Variants in AGO1 observed in about 807,000 individuals in gnomAD.
The protein encoded by AGO1 is argonaute RISC component 1, also known as protein argonaute-1.
Under a neutral mutation model 109.2 loss-of-function variants are expected in AGO1, and 11 were observed. That is an observed-to-expected ratio of 0.10 (90% CI 0.06 to 0.17). AGO1 has a LOEUF of 0.17. Ranked by LOEUF, AGO1 falls within the 10% of genes least tolerant of loss-of-function variation. AGO1 has a pLI of 1.00. For missense variants in AGO1, 574 were observed against 1,140.3 expected (o/e 0.50, Z 7.15); for synonymous variants, 422 against 418.6 (o/e 1.01, Z -0.10).
chr1:35,908,615 C>A (rs1268461971), intron 12 of AGO1, among the ~76,000 whole-genome samples: 1 of 152,286 alleles, frequency 6.6e-6, no homozygotes, highest in African/African-American at 2.4e-5. Context: ...GTTGGACCAT[C>A]TCTTCAGTAG....
At chr1:35,914,367 T>A in intron 14 of AGO1, 93 bp downstream of exon 14, 1 of 1,007,744 alleles carries the variant, frequency 9.9e-7, no homozygotes, top group Non-Finnish European at 1.5e-6. Flanking sequence ...GCTCTGGCTC[T>A]TGAGCCTTCA....
intron 8 of AGO1, among the ~76,000 whole-genome samples, chr1:35,899,199 G>A (rs561194205): frequency 3.9e-5 from 6 of 152,190 alleles, no homozygotes; most frequent in Non-Finnish European, 5.9e-5. Context: ...AGGTTCATCC[G>A]TGTTGTAGCA....
chr1:35,903,282 A>G (rs1199994420), intron 11 of AGO1, among the ~76,000 whole-genome samples: 1 of 150,306 alleles, frequency 6.7e-6, no homozygotes, highest in East Asian at 2.0e-4. Context: ...CTGGGATTAT[A>G]GGCATGAGCC....
intron 15 of AGO1, among the ~76,000 whole-genome samples, chr1:35,917,300 C>T (rs1477706625): frequency 6.6e-6 from 1 of 152,146 alleles, no homozygotes; most frequent in East Asian, 1.9e-4. Flanking sequence ...TCTCTGTGAA[C>T]CTTGGTTCTG....
At position 35,926,940 on chromosome 1, in the gene AGO1, T is replaced by G. The variant is rs1402447345; in HGVS notation, c.*7333T>G. The G allele has an allele frequency of 2.8e-5, 4 of 142,148 alleles. No homozygotes were observed. The highest frequency in any genetic ancestry group is 1.1e-4 in the African/African-American group (4 of 35,922). The allele number at this position is 142,148 out of a possible 1,614,324, so 8.8% of individuals were successfully genotyped here. A position where few individuals can be genotyped will look rare whatever the true frequency, so the allele number is the denominator to read the frequency against. On this transcript the variant is annotated 3_prime_UTR_variant, in exon 19 of 19. Coordinates refer to ENST00000373204, the MANE Select transcript of AGO1 (RefSeq NM_012199.5). ...ATCCTCTTGGCAATGGTTTTTTGTT[T>G]GGGGTTTTTTTTTTTTTTTTTTTGG...
At chr1:35,897,734 A>G (rs750547336) in intron 8 of AGO1, among the ~76,000 whole-genome samples, 10 of 152,206 alleles carry the variant, frequency 6.6e-5, no homozygotes, top group Admixed American at 1.3e-4. Context: ...GTCTCAAAAA[A>G]AAATAAAAAA....
chr1:35,919,349 C>T lies in AGO1; in HGVS notation c.2465+95C>T. 1 of 1,491,310 alleles carries T rather than the reference C, an allele frequency of 6.7e-7. No homozygotes were observed. Among genetic ancestry groups the T allele is most frequent in the Non-Finnish European group, 9.1e-7 (1 of 1,096,552 alleles). 92.4% of individuals were successfully genotyped at this position (1,491,310 alleles called of 1,614,324 possible). A position where few individuals can be genotyped will look rare whatever the true frequency, so the allele number is the denominator to read the frequency against. Reference sequence around the variant, plus strand: ...TGGGTAGAAGGAAATGAGTGCTGTCCAATTTGGTGTCATTGGGCTCGTCTG... The same window carrying T: ...TGGGTAGAAGGAAATGAGTGCTGTCTAATTTGGTGTCATTGGGCTCGTCTG... On this transcript the variant is annotated intron_variant, in intron 18 of 18. Transcript: ENST00000373204. This position sits in a 1 kb window ranked among gnomAD's most constrained non-coding sequence, Gnocchi z 6.6.
rs1645846135 is a variant in AGO1, at chr1:35,922,242, A to C, written c.*2635A>C. 1 of 152,702 alleles carries C rather than the reference A, an allele frequency of 6.5e-6. No individual in the cohort carries two copies. Among genetic ancestry groups the C allele is most frequent in the Non-Finnish European group, 1.5e-5 (1 of 68,052 alleles). 9.5% of individuals were successfully genotyped at this position (152,702 alleles called of 1,614,324 possible). On this transcript the variant is annotated 3_prime_UTR_variant, in exon 19 of 19. Coordinates refer to ENST00000373204, the MANE Select transcript of AGO1 (RefSeq NM_012199.5). The stretch of plus-strand genomic sequence containing the variant: ...TGGCTTATGCCATTCAAGAAATAAA[A>C]AGCAAGAGAATCAGCTTTGGGCAAT...
At chr1:35,889,911 C>T (rs1333832046) in intron 2 of AGO1, among the ~76,000 whole-genome samples, 2 of 152,086 alleles carry the variant, frequency 1.3e-5, no homozygotes, top group Non-Finnish European at 2.9e-5. Context: ...GACAGGGTTT[C>T]ACCATGTTGA....
chr1:35,911,960 C>T (rs1645640370), intron 12 of AGO1, among the ~76,000 whole-genome samples: 1 of 152,086 alleles, frequency 6.6e-6, no homozygotes, highest in Non-Finnish European at 1.5e-5. Context: ...TTTTTTTGTC[C>T]TTTGCTGACT....
At position 35,898,611 on chromosome 1, in the gene AGO1, T is replaced by C. The variant is rs1645362486; in HGVS notation, c.1021-2863T>C. On this transcript the variant is annotated intron_variant, in intron 8 of 18. Coordinates refer to ENST00000373204, the MANE Select transcript of AGO1 (RefSeq NM_012199.5). ...GTTTCCCAAAGTAGCTATGATATTT[T>C]ACAATCCCATCAGCAAAGAATGACA... Among the ~76,000 whole-genome samples the C allele has an allele frequency of 2.0e-5, 3 of 152,218 alleles. No individual in the cohort carries two copies. The South Asian group carries it at 6.2e-4, about 31-fold the overall frequency.
At chr1:35,886,952 G>A (rs1018006223) in intron 1 of AGO1, among the ~76,000 whole-genome samples, 6 of 152,308 alleles carry the variant, frequency 3.9e-5, no homozygotes, top group East Asian at 3.9e-4. Flanking sequence ...AGGTCTAAGT[G>A]TGTGTTTGGA....
intron 8 of AGO1, among the ~76,000 whole-genome samples, chr1:35,896,655 G>T (rs529272743): frequency 9.2e-5 from 14 of 152,280 alleles, no homozygotes; most frequent in Admixed American, 3.3e-4. Flanking sequence ...GCCACGCCTG[G>T]CCTACCCTCT....
intron 1 of AGO1, among the ~76,000 whole-genome samples, chr1:35,871,485 G>T (rs1480534579): frequency 6.6e-6 from 1 of 151,958 alleles, no homozygotes; most frequent in African/African-American, 2.4e-5. Flanking sequence ...GGAAGTTGCA[G>T]TGAGCAGAGA....
chr1:35,904,134 C>T (rs1240941727), intron 11 of AGO1, among the ~76,000 whole-genome samples: 8 of 107,104 alleles, frequency 7.5e-5, no homozygotes, highest in South Asian at 2.9e-4. Context: ...TTTTTTGAGG[C>T]GGAGTCTCTC....
At chr1:35,881,494 G>T (rs942106476), upstream of AGO1, among the ~76,000 whole-genome samples, 2 of 152,054 alleles carry the variant, frequency 1.3e-5, no homozygotes, top group Admixed American at 6.5e-5. Flanking sequence ...CTAATTTTTT[G>T]TATTTTTAGT....
At position 35,919,272 on chromosome 1, in the gene AGO1, G is replaced by T; in HGVS notation, c.2465+18G>T. ...CATGACAGGTGAGGCCTGGGATCAG[G>T]TTGGCCTCCTTTTTGCTTCAGCCTA... On this transcript the variant is annotated intron_variant, in intron 18 of 18. Transcript: ENST00000373204. The surrounding 1 kb of genome is among the most constrained non-coding windows in gnomAD (Gnocchi z 6.6). 6.2e-7 allele frequency: 1 copy of T among 1,609,220 alleles called. No individual in the cohort carries two copies. Among genetic ancestry groups the T allele is most frequent in the Non-Finnish European group, 8.5e-7 (1 of 1,177,800 alleles).
intron 12 of AGO1, among the ~76,000 whole-genome samples, chr1:35,911,494 A>ATTT (rs890080442): frequency 6.8e-6 from 1 of 147,940 alleles, no homozygotes. Context: ...CACCTCTGAG[A>ATTT]TTTTTTTTTT....
chr1:35,878,741 G>C (rs1645011831), upstream of AGO1, among the ~76,000 whole-genome samples: 1 of 152,174 alleles, frequency 6.6e-6, no homozygotes, highest in African/African-American at 2.4e-5. Context: ...ATCTCATGAA[G>C]TTTATTTCCA....
Sources: allele counts gnomAD v4.1 joint callset (sites outside exome capture counted in the v4.1 genomes callset), GRCh38; gene constraint gnomAD v4.1.1; non-coding constraint Gnocchi (gnomAD v3.1); transcripts MANE v1.5; gene names NCBI Gene and HGNC (gene_info 2026-07-23, HGNC 2026-07-21).